The following PRKCG variants were observed in gnomAD, a reference collection of about 807,000 sequenced individuals.
PRKCG encodes protein kinase C gamma.
PRKCG carries 28 observed loss-of-function variants against 82.0 expected under a neutral mutation model. That is an observed-to-expected ratio of 0.34 (90% CI 0.25 to 0.47). The LOEUF is 0.47. Among genes scored for constraint, PRKCG ranks in the 20% least tolerant of loss-of-function variants. The pLI is 1.00. For missense variants in PRKCG, 640 were observed against 952.7 expected, an observed-to-expected ratio of 0.67 and a Z score of 4.32; for synonymous variants, 383 against 376.6, an observed-to-expected ratio of 1.02 and a Z score of -0.20.
Position 53,904,655 on chromosome 19 carries a change from CGAG to C in PRKCG, c.1684_1686del (p.Glu562del). On this transcript the variant is annotated inframe_deletion, in exon 16 of 18. Transcript: ENST00000263431. ...GATAGCCTCCCTTCGATGGGGAGGA[CGAG>C]GAGGAGCTGTTTCAGGCCATCATGG... 6.2e-7 allele frequency: 1 copy of C among 1,613,372 alleles called. No individual in the cohort carries two copies. The highest frequency in any genetic ancestry group is 8.5e-7 in the Non-Finnish European group (1 of 1,179,872).
At position 53,892,382 on chromosome 19, in the gene PRKCG, G is replaced by A. The variant is rs924551964; in HGVS notation, c.687-127G>A. ...AGCCCGGCTGGGAAGGTCAGAGGTC[G>A]GAGACCGACAAAGCAGGAGAGGAGC... On this transcript the variant is annotated intron_variant, in intron 6 of 17. Transcript: ENST00000263431. The surrounding 1 kb of genome is among the most constrained non-coding windows in gnomAD (Gnocchi z 5.9). The A allele has an allele frequency of 1.0e-4, 144 of 1,431,242 alleles. No individual in the cohort carries two copies. The highest frequency in any genetic ancestry group is 5.0e-4 in the East Asian group (20 of 40,294). 88.7% of individuals were successfully genotyped at this position (1,431,242 alleles called of 1,614,324 possible).
intron 3 of PRKCG, among the ~76,000 whole-genome samples, chr19:53,887,495 C>T (rs1213635028): frequency 3.3e-5 from 1 of 30,434 alleles, no homozygotes; most frequent in Non-Finnish European, 5.6e-5. Flanking sequence ...AAAACTCTGT[C>T]TCAAAAAAAA....
chr19:53,899,368 A>G (rs989186172), intron 11 of PRKCG, among the ~76,000 whole-genome samples: 2 of 152,278 alleles, frequency 1.3e-5, no homozygotes, highest in African/African-American at 4.8e-5. Flanking sequence ...GTGCCTTCCT[A>G]GTGGGCCTGC....
intron 11 of PRKCG, among the ~76,000 whole-genome samples, chr19:53,898,915 G>A (rs1407326773): frequency 7.4e-6 from 1 of 135,522 alleles, no homozygotes; most frequent in African/African-American, 3.2e-5. Context: ...GGGACTCATC[G>A]GGGGCGTGGC....
Position 53,900,151 on chromosome 19 carries a change from G to C in PRKCG, c.1282-82G>C. 1 of 1,334,646 alleles carries C rather than the reference G, an allele frequency of 7.5e-7. No homozygotes were observed. The highest frequency in any genetic ancestry group is 1.1e-6 in the Non-Finnish European group (1 of 926,924). 82.7% of individuals were successfully genotyped at this position (1,334,646 alleles called of 1,614,324 possible). A position where few individuals can be genotyped will look rare whatever the true frequency, so the allele number is the denominator to read the frequency against. On this transcript the variant is annotated intron_variant, in intron 11 of 17. Transcript: ENST00000263431. This position sits in a 1 kb window ranked among gnomAD's most constrained non-coding sequence, Gnocchi z 4.2. The stretch of plus-strand genomic sequence containing the variant: ...GTTGGGTGCATCTGGAACCTTCCAC[G>C]TCTGTCCTGAGTGATCAGGAAAGAA...
intron 11 of PRKCG, among the ~76,000 whole-genome samples, chr19:53,899,260 G>T (rs1005588452): frequency 2.0e-5 from 3 of 152,168 alleles, no homozygotes; most frequent in Admixed American, 2.0e-4. Context: ...TGGGCTCTTG[G>T]GGGGAGTGGC....
chr19:53,902,005 A>G (rs2068767993), intron 14 of PRKCG, among the ~76,000 whole-genome samples: 1 of 151,418 alleles, frequency 6.6e-6, no homozygotes, highest in South Asian at 2.1e-4. Flanking sequence ...GTATAGATGG[A>G]TAAAGCACAT....
chr19:53,885,351 C>T (rs2068623757), intron 3 of PRKCG, among the ~76,000 whole-genome samples: 1 of 152,162 alleles, frequency 6.6e-6, no homozygotes, highest in African/African-American at 2.4e-5. Context: ...ACCTCAGCCT[C>T]CTGAGTAGCT....
chr19:53,892,368 GA>G lies in PRKCG; in HGVS notation c.687-139del. On this transcript the variant is annotated intron_variant, in intron 6 of 17. Transcript: ENST00000263431. The surrounding 1 kb of genome is among the most constrained non-coding windows in gnomAD (Gnocchi z 5.9). ...CTAGCTGGAGAGAGAGCCCGGCTGG[GA>G]AGGTCAGAGGTCGGAGACCGACAAA... 7.7e-7 allele frequency: 1 copy of G among 1,300,232 alleles called. No individual in the cohort carries two copies. The highest frequency in any genetic ancestry group is 1.1e-6 in the Non-Finnish European group (1 of 948,528). 80.5% of individuals were successfully genotyped at this position (1,300,232 alleles called of 1,614,324 possible). A position where few individuals can be genotyped will look rare whatever the true frequency, so the allele number is the denominator to read the frequency against.
intron 5 of PRKCG, 97 bp from the exon 6 acceptor site, chr19:53,891,577 T>C (rs1481960984): frequency 9.9e-6 from 15 of 1,512,794 alleles, no homozygotes; most frequent in Middle Eastern, 1.7e-4. Context: ...CCGCCGTGCC[T>C]GGCCAAGCTT....
chr19:53,898,291 G>A, intron 10 of PRKCG, 149 bp from the exon 11 acceptor site: 1 of 1,319,334 alleles, frequency 7.6e-7, no homozygotes, highest in East Asian at 2.5e-5. Context: ...CTCTCCTTGA[G>A]GGGACGGGCG....
chr19:53,890,967 G>C (rs569367944), intron 5 of PRKCG, among the ~76,000 whole-genome samples: 3 of 151,918 alleles, frequency 2.0e-5, no homozygotes, highest in Non-Finnish European at 4.4e-5. Context: ...AGCCAGGCTG[G>C]TCTGGAACTC....
chr19:53,882,084 G>A (rs2068594806), upstream of PRKCG: 2 of 279,736 alleles, frequency 7.1e-6, no homozygotes, highest in East Asian at 1.7e-4. This position sits in a 1 kb window ranked among gnomAD's most constrained non-coding sequence, Gnocchi z 6.1. Context: ...GTGCACGTGT[G>A]GGGGGCGGGG....
chr19:53,882,635 C>A lies in PRKCG; in HGVS notation c.141C>A (p.Thr47=). 2 of 1,613,162 alleles carry A rather than the reference C, an allele frequency of 1.2e-6. No individual in the cohort carries two copies. Among genetic ancestry groups the A allele is most frequent in the Admixed American group, 1.7e-5 (1 of 60,022 alleles). ...KFTARFFKQP[T]FCSHCTDFIW... Reference sequence around the variant, plus strand: ...CCGCTCGCTTCTTCAAGCAGCCCACCTTCTGCAGCCACTGCACCGACTTCA... The same window carrying A: ...CCGCTCGCTTCTTCAAGCAGCCCACATTCTGCAGCCACTGCACCGACTTCA... The change falls in exon 1 of 18, where the codon ACC becomes ACA. Residue 47 remains threonine, a synonymous_variant. Coordinates refer to ENST00000263431, the MANE Select transcript of PRKCG (RefSeq NM_002739.5). This position sits in a 1 kb window ranked among gnomAD's most constrained non-coding sequence, Gnocchi z 6.1.
At position 53,906,469 on chromosome 19, in the gene PRKCG, T is replaced by A. The variant is rs1355242098; in HGVS notation, c.1905+12T>A. ...TCAGACCCCGCCCGGTCAGTCACCC[T>A]CCAGGCAACAAAAACCTGGTCCCTG... On this transcript the variant is annotated intron_variant, in intron 17 of 17. Coordinates refer to ENST00000263431, the MANE Select transcript of PRKCG (RefSeq NM_002739.5). 1 of 1,573,012 alleles carries A rather than the reference T, an allele frequency of 6.4e-7. No homozygotes were observed. The highest frequency in any genetic ancestry group is 8.6e-7 in the Non-Finnish European group (1 of 1,158,462).
rs1048758686 is a variant in PRKCG at position 53,885,221 on chromosome 19, A to AT, written c.285+990dup. On this transcript the variant is annotated intron_variant, in intron 3 of 17. Transcript: ENST00000263431. Reference sequence around the variant, plus strand: ...TTTCGTGTCATTTGAATTGGCTTAAATTTTTTTTTTTTATTTTTATTTTTT... The same window carrying AT: ...TTTCGTGTCATTTGAATTGGCTTAAATTTTTTTTTTTTTATTTTTATTTTTT... Among the ~76,000 whole-genome samples the AT allele has an allele frequency of 2.7e-4, 40 of 149,964 alleles. No homozygotes were observed. The East Asian group carries it at 3.3e-3, about 12-fold the overall frequency.
Position 53,900,250 on chromosome 19 carries a change from G to T in PRKCG, c.1299G>T (p.Val433=). 6.2e-7 allele frequency: 1 copy of T among 1,614,106 alleles called. No homozygotes were observed. Among genetic ancestry groups the T allele is most frequent in the Non-Finnish European group, 8.5e-7 (1 of 1,180,014 alleles). Residue 433 remains valine (V), a synonymous_variant, in exon 12 of 18, where the codon GTG becomes GTT. Transcript: ENST00000263431. The surrounding 1 kb of genome is among the most constrained non-coding windows in gnomAD (Gnocchi z 4.2). ...CTCCGCAGGACCGCCTGTATTTCGT[G>T]ATGGAGTACGTCACCGGGGGAGACT... The part of the protein sequence containing the change: ...TFQTPDRLYF[V]MEYVTGGDLM...
chr19:53,893,284 C>T (rs1187784314), intron 8 of PRKCG, 78 bp from the exon 9 acceptor site: 11 of 1,477,724 alleles, frequency 7.4e-6, no homozygotes, highest in Non-Finnish European at 8.5e-6. Context: ...CTTGAGGGTA[C>T]TAGGGGCCAC....
At position 53,889,790 on chromosome 19, in the gene PRKCG, C is replaced by G. The variant is rs201889726; in HGVS notation, c.397+41C>G. The G allele has an allele frequency of 6.2e-7, 1 of 1,600,024 alleles. No homozygotes were observed. Among genetic ancestry groups the G allele is most frequent in the Admixed American group, 1.7e-5 (1 of 58,474 alleles). The stretch of plus-strand genomic sequence containing the variant: ...CTTGCCAGGGCCCTTCCAAAGCGCC[C>G]GGTCTGGGTTCCGGGAAATGCCCGG... On this transcript the variant is annotated intron_variant, in intron 4 of 17. Transcript: ENST00000263431. This position sits in a 1 kb window ranked among gnomAD's most constrained non-coding sequence, Gnocchi z 4.4.
Sources: gnomAD v4.1 joint callset for allele counts (sites outside exome capture counted in the v4.1 genomes callset) on GRCh38, gnomAD v4.1.1 for gene constraint, Gnocchi (gnomAD v3.1) non-coding constraint, MANE v1.5 for transcripts, NCBI Gene and HGNC (gene_info 2026-07-23, HGNC 2026-07-21) for gene names.